Variants in CHMP3 observed in about 807,000 individuals in gnomAD.
The protein encoded by CHMP3 is charged multivesicular body protein 3.
A neutral mutation model predicts 27.4 loss-of-function variants in CHMP3; 8 were observed. That is an observed-to-expected ratio of 0.29 (90% CI 0.17 to 0.53). The LOEUF (loss-of-function observed/expected upper bound fraction) is 0.53, where lower values mean the gene tolerates loss of function less well. CHMP3 is among the 20% of genes least tolerant of loss of function. CHMP3 has a pLI of 0.96. For missense variants in CHMP3, 208 were observed against 271.5 expected, an observed-to-expected ratio of 0.77 and a Z score of 1.64; for synonymous variants, 86 against 85.5, an observed-to-expected ratio of 1.01 and a Z score of -0.03.
At position 86,549,864 on chromosome 2, in the gene CHMP3, GCCGGGCAGAGGCGCTCCTCGCCTC is replaced by G. The variant is rs1300611743; in HGVS notation, c.46-7576_46-7553del. Reference sequence around the variant, plus strand: ...CGCTCCTCGCCTCCCAGATGGGGCAGCCGGGCAGAGGCGCTCCTCGCCTCCCAGACGGGGCGGCCGGGCAGAGGC... The same window carrying G: ...CGCTCCTCGCCTCCCAGATGGGGCAGCCAGACGGGGCGGCCGGGCAGAGGC... On this transcript the variant is annotated intron_variant, in intron 1 of 5. Transcript: ENST00000263856. 6.6e-5 allele frequency among the ~76,000 whole-genome samples: 10 copies of G among 151,670 alleles called. 1 individual carries two copies. Among genetic ancestry groups the G allele is most frequent in the African/African-American group, 2.4e-4 (10 of 41,362 alleles).
intron 3 of CHMP3, among the ~76,000 whole-genome samples, chr2:86,519,243 G>A (rs1675432424): frequency 1.3e-5 from 2 of 151,864 alleles, no homozygotes. Flanking sequence ...GCATGGTGGT[G>A]GGCACCTGTA....
At position 86,505,637 on chromosome 2, in the gene CHMP3, TA is replaced by T. The variant is rs1366109450; in HGVS notation, c.*166del. On this transcript the variant is annotated 3_prime_UTR_variant, in exon 6 of 6. Coordinates refer to ENST00000263856, the MANE Select transcript of CHMP3 (RefSeq NM_016079.4). ...ATGATGCATTTATTTATGCCACTTT[TA>T]TAAGAACAATCCCTTTGCGATCCCA... is the stretch of plus-strand genomic sequence containing the variant. 3.3e-6 allele frequency: 3 copies of T among 917,156 alleles called. No individual in the cohort carries two copies. The East Asian group carries it at 8.8e-5, about 27-fold the overall frequency. 56.8% of individuals were successfully genotyped at this position (917,156 alleles called of 1,614,324 possible).
At chr2:86,513,185 G>A (rs1675170178) in intron 3 of CHMP3, among the ~76,000 whole-genome samples, 1 of 152,142 alleles carries the variant, frequency 6.6e-6, no homozygotes, top group Admixed American at 6.6e-5. Context: ...AAAAATAAAT[G>A]AGCTTTCAAG....
At chr2:86,549,335 G>GT (rs1676770989) in intron 1 of CHMP3, among the ~76,000 whole-genome samples, 1 of 146,064 alleles carries the variant, frequency 6.8e-6, no homozygotes, top group African/African-American at 2.6e-5. Context: ...CCCAGATGAT[G>GT]GGCGGCCGGG....
At chr2:86,510,533 A>G in intron 3 of CHMP3, 54 bp from the exon 4 acceptor site, 5 of 1,587,496 alleles carry the variant, frequency 3.1e-6, no homozygotes, top group Non-Finnish European at 4.3e-6. Flanking sequence ...ATAGAGAGAG[A>G]CAGCCAAATT....
At chr2:86,557,444 T>C (rs75308096) in intron 1 of CHMP3, among the ~76,000 whole-genome samples, 2,813 of 152,290 alleles carry the variant, frequency 0.018, 48 homozygotes, top group East Asian at 0.054. Flanking sequence ...TTCTAGTTCA[T>C]GCCCTAACCC....
At chr2:86,561,390 C>T (rs4832300) in intron 1 of CHMP3, among the ~76,000 whole-genome samples, 59,481 of 151,976 alleles carry the variant, frequency 0.39, 13,625 homozygotes, top group East Asian at 0.75. Context: ...GTAGTTAGGG[C>T]TAATCTTAAT....
rs565567860 is a variant in CHMP3 at position 86,540,451 on chromosome 2, T to C, written c.106+1801A>G. 3.3e-5 allele frequency among the ~76,000 whole-genome samples: 5 copies of C among 152,292 alleles called. No individual in the cohort carries two copies. In the South Asian group the frequency reaches 6.2e-4, roughly 19 times the overall value. On this transcript the variant is annotated intron_variant, in intron 2 of 5. Coordinates refer to ENST00000263856, the MANE Select transcript of CHMP3 (RefSeq NM_016079.4). Reference sequence around the variant, plus strand: ...TTGGGACCAAATGTCTTTCAGGCTTTAGATTTTGGAATGTTTGCATCATAC... The same window carrying C: ...TTGGGACCAAATGTCTTTCAGGCTTCAGATTTTGGAATGTTTGCATCATAC...
rs1198953742 is a variant in CHMP3, at chr2:86,504,813, T to G, written c.*991A>C. ...AGGATCTGGGTTTGAATCCCATCTC[T>G]GATACTTCCCAAACTGAGCTGTTTT... On this transcript the variant is annotated 3_prime_UTR_variant, in exon 6 of 6. Transcript: ENST00000263856. 3 of 152,242 alleles carry G rather than the reference T, an allele frequency of 2.0e-5. No homozygotes were observed. The East Asian group carries it at 5.8e-4, about 29-fold the overall frequency. 9.4% of individuals were successfully genotyped at this position (152,242 alleles called of 1,614,324 possible).
chr2:86,520,221 T>C (rs1377930851), intron 3 of CHMP3, among the ~76,000 whole-genome samples: 1 of 152,224 alleles, frequency 6.6e-6, no homozygotes, highest in Admixed American at 6.5e-5. Flanking sequence ...TGTAAAGACA[T>C]ACCTGAGACT....
chr2:86,525,278 C>T (rs985020112), intron 3 of CHMP3, among the ~76,000 whole-genome samples: 3 of 152,018 alleles, frequency 2.0e-5, no homozygotes, highest in African/African-American at 7.2e-5. Context: ...AAATTAAATA[C>T]AAAAAACTTC....
chr2:86,529,086 C>G (rs1036940), intron 3 of CHMP3, 132 bp downstream of exon 3: 779,085 of 1,001,022 alleles, frequency 0.78, 305,701 homozygotes, highest in East Asian at 0.95. Context: ...TTTTGCATTT[C>G]TACAACACTC....
At chr2:86,510,284 A>AAACCAAGCCCCCAGT in intron 4 of CHMP3, 74 bp downstream of exon 4, 1 of 1,362,250 alleles carries the variant, frequency 7.3e-7, no homozygotes, top group Non-Finnish European at 1.0e-6. Context: ...ACCCACCCTC[A>AAACCAAGCCCCCAGT]TCCCTAGCCC....
chr2:86,515,804 T>G (rs1435487515), intron 3 of CHMP3, among the ~76,000 whole-genome samples: 1 of 152,230 alleles, frequency 6.6e-6, no homozygotes, highest in African/African-American at 2.4e-5. Context: ...GGGTCAGAAA[T>G]ATGTTTTCTC....
chr2:86,528,451 G>A (rs938402834), intron 3 of CHMP3, among the ~76,000 whole-genome samples: 6 of 152,082 alleles, frequency 3.9e-5, no homozygotes, highest in African/African-American at 1.4e-4. Context: ...AATTCTCCTT[G>A]CTCAGCCTCC....
chr2:86,537,216 T>C (rs1019871654), intron 2 of CHMP3, among the ~76,000 whole-genome samples: 8 of 152,210 alleles, frequency 5.3e-5, no homozygotes, highest in Admixed American at 2.0e-4. Flanking sequence ...TGCTCTATTT[T>C]GAAGTCTGCT....
chr2:86,524,473 G>A (rs1248690551), intron 3 of CHMP3, among the ~76,000 whole-genome samples: 2 of 152,084 alleles, frequency 1.3e-5, no homozygotes, highest in Non-Finnish European at 2.9e-5. Context: ...ACACGTATAA[G>A]CTTTTTGTCA....
At position 86,505,607 on chromosome 2, in the gene CHMP3, T is replaced by C; in HGVS notation, c.*197A>G. The C allele has an allele frequency of 1.6e-6, 1 of 636,210 alleles. No homozygotes were observed. Among genetic ancestry groups the C allele is most frequent in the Non-Finnish European group, 2.4e-6 (1 of 425,408 alleles). 39.4% of individuals were successfully genotyped at this position (636,210 alleles called of 1,614,324 possible). On this transcript the variant is annotated 3_prime_UTR_variant, in exon 6 of 6. Transcript: ENST00000263856. ...AATAAGATATATCTGTCTATACTCCTAAAAATGATGCATTTATTTATGCCA... is the reference window on the plus strand; with the variant it reads ...AATAAGATATATCTGTCTATACTCCCAAAAATGATGCATTTATTTATGCCA...
At chr2:86,529,786 ATAT>A (rs956016645) in intron 2 of CHMP3, among the ~76,000 whole-genome samples, 1 of 152,216 alleles carries the variant, frequency 6.6e-6, no homozygotes, top group Non-Finnish European at 1.5e-5. Context: ...AAGCCTGAAC[ATAT>A]TATAAGTCTC....
Sources: allele counts gnomAD v4.1 joint callset (sites outside exome capture counted in the v4.1 genomes callset), GRCh38; gene constraint gnomAD v4.1.1; transcripts MANE v1.5; gene names NCBI Gene and HGNC (gene_info 2026-07-23, HGNC 2026-07-21).